MLXIP: variants seen among roughly 807,000 people sequenced by gnomAD.
MLXIP encodes MLX interacting protein, also known as MLX-interacting protein.
In MLXIP, 30 loss-of-function variants were observed where a neutral mutation model predicts 87.2. The ratio of observed to expected loss-of-function variants is 0.34; its 90% CI spans 0.26 to 0.47. The LOEUF is 0.47. Ranked by LOEUF, MLXIP falls within the 20% of genes least tolerant of loss-of-function variation. The pLI, the probability that MLXIP is intolerant of heterozygous loss-of-function variation, is 1.00. For missense variants in MLXIP, 1,002 were observed against 1,240.1 expected, an observed-to-expected ratio of 0.81 and a Z score of 2.88; for synonymous variants, 530 against 514.0, an observed-to-expected ratio of 1.03 and a Z score of -0.42.
chr12:122,084,144 TTGTGTGTGTG>T lies in MLXIP; in HGVS notation c.413+4918_413+4927del, dbSNP rs746678463. ...TACCGGGAAGGATATCTCAGCCAGA[TTGTGTGTGTG>T]TGTGTGTGTGTGTGTGTGTGTGTGT... On this transcript the variant is annotated intron_variant, in intron 1 of 16. Coordinates refer to ENST00000319080, the MANE Select transcript of MLXIP (RefSeq NM_014938.6). Among the ~76,000 whole-genome samples, 431 of 138,226 alleles carry T rather than the reference TTGTGTGTGTG, an allele frequency of 3.1e-3. 3 individuals are homozygous for T. The highest frequency in any genetic ancestry group is 5.4e-3 in the South Asian group (21 of 3,908). 90.7% of individuals were successfully genotyped at this position (138,226 alleles called of 152,430 possible).
chr12:122,087,514 G>A (rs1048960814), intron 1 of MLXIP, among the ~76,000 whole-genome samples: 7 of 152,200 alleles, frequency 4.6e-5, no homozygotes, highest in Non-Finnish European at 8.8e-5. Context: ...GTCGTTCCAG[G>A]TGCGGGAAGA....
At chr12:122,132,414 G>A (rs1952997942) in intron 8 of MLXIP, 31 bp downstream of exon 8, 1 of 1,540,064 alleles carries the variant, frequency 6.5e-7, no homozygotes, top group East Asian at 2.3e-5. Context: ...GGTGGGGGAA[G>A]GGGCTGGCAG....
At chr12:122,113,936 C>T (rs1440370965) in intron 1 of MLXIP, among the ~76,000 whole-genome samples, 23 of 150,936 alleles carry the variant, frequency 1.5e-4, no homozygotes, top group Non-Finnish European at 2.8e-4. Context: ...CCGCCCGCCT[C>T]GGCCTCCCAA....
intron 1 of MLXIP, among the ~76,000 whole-genome samples, chr12:122,112,808 T>G (rs568837390): frequency 9.9e-5 from 15 of 152,246 alleles, no homozygotes; most frequent in Non-Finnish European, 2.2e-4. Flanking sequence ...GCAGGATCCC[T>G]ACATCATCCC....
chr12:122,109,213 C>T (rs565279804), intron 1 of MLXIP, among the ~76,000 whole-genome samples: 8 of 152,090 alleles, frequency 5.3e-5, no homozygotes, highest in Non-Finnish European at 8.8e-5. Context: ...GATTACAAGG[C>T]GTGAGCCACC....
At chr12:122,134,411 A>AG (rs1953045242) in intron 9 of MLXIP, 2 of 183,044 alleles carry the variant, frequency 1.1e-5, no homozygotes, top group Non-Finnish European at 1.1e-5. Context: ...TCTGTCGCCT[A>AG]GCTGGAGTGC....
chr12:122,094,792 GT>G (rs1952322791), intron 1 of MLXIP, among the ~76,000 whole-genome samples: 1 of 141,942 alleles, frequency 7.0e-6, no homozygotes, highest in Non-Finnish European at 1.5e-5. Flanking sequence ...TGGGGTGTGT[GT>G]TATGTGTGTG....
At chr12:122,091,281 T>G (rs1952241354) in intron 1 of MLXIP, among the ~76,000 whole-genome samples, 1 of 152,204 alleles carries the variant, frequency 6.6e-6, no homozygotes, top group Non-Finnish European at 1.5e-5. Flanking sequence ...GTACAGTAAG[T>G]GGAGGAGTGT....
At chr12:122,082,020 A>T (rs991376160) in intron 1 of MLXIP, among the ~76,000 whole-genome samples, 5 of 152,226 alleles carry the variant, frequency 3.3e-5, no homozygotes, top group African/African-American at 1.2e-4. Context: ...AACTAAGTGC[A>T]GGGGAAGTTG....
chr12:122,137,684 C>T lies in MLXIP; in HGVS notation c.2154+94C>T. 1 of 1,552,502 alleles carries T rather than the reference C, an allele frequency of 6.4e-7. No individual in the cohort carries two copies. The highest frequency in any genetic ancestry group is 8.7e-7 in the Non-Finnish European group (1 of 1,144,778). On this transcript the variant is annotated intron_variant, in intron 12 of 16. Coordinates refer to ENST00000319080, the MANE Select transcript of MLXIP (RefSeq NM_014938.6). This position sits in a 1 kb window ranked among gnomAD's most constrained non-coding sequence, Gnocchi z 4.1. ...TCTTGTCTGGAACGGAGACCTCAGACCCAGCCAGAGCTGCCCAGGCAGGGG... is the reference window on the plus strand; with the variant it reads ...TCTTGTCTGGAACGGAGACCTCAGATCCAGCCAGAGCTGCCCAGGCAGGGG...
intron 1 of MLXIP, among the ~76,000 whole-genome samples, chr12:122,125,172 A>G (rs760630545): frequency 8.1e-4 from 123 of 152,236 alleles, no homozygotes; most frequent in Admixed American, 1.6e-3. Context: ...ATCTCCAAAA[A>G]CAAACAAAAA....
Position 122,144,640 on chromosome 12 carries a change from C to A in MLXIP, c.*2828C>A, listed in dbSNP as rs778549242. 6.6e-6 allele frequency: 1 copy of A among 152,076 alleles called. No homozygotes were observed. Among genetic ancestry groups the A allele is most frequent in the South Asian group, 2.1e-4 (1 of 4,814 alleles). 9.4% of individuals were successfully genotyped at this position (152,076 alleles called of 1,614,324 possible). ...GTGGCTCACGCCTGTAATCCCAGCA[C>A]TTTGGTAGGCCAAGGCGGGTGGATC... is the stretch of plus-strand genomic sequence containing the variant. On this transcript the variant is annotated 3_prime_UTR_variant, in exon 17 of 17. Transcript: ENST00000319080.
chr12:122,138,064 G>T (rs189821054), intron 12 of MLXIP, 130 bp from the exon 13 acceptor site: 1 of 720,986 alleles, frequency 1.4e-6, no homozygotes, highest in South Asian at 1.9e-5. Flanking sequence ...TCAGCTTCTC[G>T]TCGTGCCCTC....
At position 122,147,294 on chromosome 12, in the gene MLXIP, T is replaced by A. The variant is rs1442237746; in HGVS notation, c.*5482T>A. The A allele has an allele frequency of 6.6e-6, 1 of 152,242 alleles. No individual in the cohort carries two copies. The highest frequency in any genetic ancestry group is 2.4e-5 in the African/African-American group (1 of 41,474). 9.4% of individuals were successfully genotyped at this position (152,242 alleles called of 1,614,324 possible). On this transcript the variant is annotated 3_prime_UTR_variant, in exon 17 of 17. Transcript: ENST00000319080. ...GTATTCAACACTACAATGCATTTTT[T>A]AAACTATATTTGCATCCAAGACAAT... is the stretch of plus-strand genomic sequence containing the variant.
At chr12:122,104,774 G>T (rs1952494924) in intron 1 of MLXIP, among the ~76,000 whole-genome samples, 1 of 151,806 alleles carries the variant, frequency 6.6e-6, no homozygotes, top group Admixed American at 6.6e-5. Flanking sequence ...TGGAGATGGG[G>T]TTTCACCACT....
In MLXIP at chr12:122,135,373, G is replaced by T. The variant is rs755741796; in HGVS notation, c.1854+28G>T. 2.5e-6 allele frequency: 4 copies of T among 1,605,940 alleles called. No individual in the cohort carries two copies. Among genetic ancestry groups the T allele is most frequent in the Non-Finnish European group, 3.4e-6 (4 of 1,175,496 alleles). ...GAGGAGGGCCCTAGGCAGACCTGCAGTGTCCTTCTCACCCCGGAGCACTCT... is the reference window on the plus strand; with the variant it reads ...GAGGAGGGCCCTAGGCAGACCTGCATTGTCCTTCTCACCCCGGAGCACTCT... On this transcript the variant is annotated intron_variant, in intron 10 of 16. Coordinates refer to ENST00000319080, the MANE Select transcript of MLXIP (RefSeq NM_014938.6). This position sits in a 1 kb window ranked among gnomAD's most constrained non-coding sequence, Gnocchi z 5.3.
chr12:122,129,889 C>T lies in MLXIP; in HGVS notation c.739-52C>T, dbSNP rs73417683. 4.4e-3 allele frequency: 6,813 copies of T among 1,564,802 alleles called. 279 individuals carry two copies. The African/African-American group carries it at 0.081, about 19-fold the overall frequency. On this transcript the variant is annotated intron_variant, in intron 5 of 16. Coordinates refer to ENST00000319080, the MANE Select transcript of MLXIP (RefSeq NM_014938.6). ...CCAGGTGACAGGCGTGGGAATTCTT[C>T]GTCCCACTGTTACTCTTTGATGCTT...
rs374949321 is a variant in MLXIP at position 122,135,344 on chromosome 12, G to A, written c.1853G>A (p.Arg618Lys). ...GTCATTGCGCCTGCTGCCATCGCCA[G>A]GGTGAGGAGGGCCCTAGGCAGACCT... Reference protein sequence around the residue: ...NVVIAPAAIARAPGVPEFHSS... With the variant: ...NVVIAPAAIAKAPGVPEFHSS... Residue 618 changes from arginine (R) to lysine (K), a missense_variant and splice_region_variant, in exon 10 of 17, where the codon AGG becomes AAG. By Grantham distance (26) the Arg-to-Lys change is conservative (BLOSUM62 2). Coordinates refer to ENST00000319080, the MANE Select transcript of MLXIP (RefSeq NM_014938.6). The surrounding 1 kb of genome is among the most constrained non-coding windows in gnomAD (Gnocchi z 5.3). 1.1e-5 allele frequency: 17 copies of A among 1,612,508 alleles called. No individual in the cohort carries two copies. In the African/African-American group the frequency reaches 2.1e-4, roughly 20 times the overall value.
chr12:122,102,871 T>C (rs1308603740), intron 1 of MLXIP, among the ~76,000 whole-genome samples: 2 of 152,246 alleles, frequency 1.3e-5, no homozygotes, highest in Non-Finnish European at 2.9e-5. Context: ...TATGCATTCA[T>C]GTAGAGACAG....
Sources: allele counts gnomAD v4.1 joint callset (sites outside exome capture counted in the v4.1 genomes callset), GRCh38; gene constraint gnomAD v4.1.1; non-coding constraint Gnocchi (gnomAD v3.1); transcripts MANE v1.5; gene names NCBI Gene and HGNC (gene_info 2026-07-23, HGNC 2026-07-21).